The following CDRT4 variants were observed in gnomAD, a reference collection of about 807,000 sequenced individuals.
CDRT4 encodes CMT1A duplicated region transcript 4 protein.
For synonymous variants in CDRT4, 64 were observed against 69.6 expected (o/e 0.92, Z 0.40); for missense variants, 167 against 193.1 (o/e 0.87, Z 0.80).
chr17:15,441,293 G>A (rs1041393153), intron 2 of CDRT4, among the ~76,000 whole-genome samples: 2 of 152,142 alleles, frequency 1.3e-5, no homozygotes, highest in African/African-American at 4.8e-5. Flanking sequence ...ATTTTACCAA[G>A]TACTAGAATC....
intron 2 of CDRT4, among the ~76,000 whole-genome samples, chr17:15,451,714 TGCTTA>T (rs1567611792): frequency 1.3e-5 from 2 of 152,308 alleles, no homozygotes; most frequent in East Asian, 3.9e-4. Flanking sequence ...GGGTTGTTCC[TGCTTA>T]GAAGTCAGGA....
intron 2 of CDRT4, among the ~76,000 whole-genome samples, chr17:15,452,253 T>C (rs1979295364): frequency 6.6e-6 from 1 of 152,238 alleles, no homozygotes; most frequent in Admixed American, 6.5e-5. Flanking sequence ...TCTCTGAGCC[T>C]TAAAGTTTTC....
rs552328121 is a variant in CDRT4 at position 15,464,443 on chromosome 17, C to T, written c.-130+3017G>A. Among the ~76,000 whole-genome samples, 7 of 152,246 alleles carry T rather than the reference C, an allele frequency of 4.6e-5. No homozygotes were observed. In the East Asian group the frequency reaches 1.2e-3, roughly 25 times the overall value. On this transcript the variant is annotated intron_variant, in intron 1 of 3. Coordinates refer to ENST00000619038, the MANE Select transcript of CDRT4 (RefSeq NM_001204477.2). The surrounding 1 kb of genome is among the most constrained non-coding windows in gnomAD (Gnocchi z 4.5). Reference sequence around the variant, plus strand: ...CAGCAGCGGCTGCCTTTTCCGAGCTCGCTTCTTCCCTTCCCACCCCTTGCT... The same window carrying T: ...CAGCAGCGGCTGCCTTTTCCGAGCTTGCTTCTTCCCTTCCCACCCCTTGCT...
chr17:15,467,089 T>G (rs1980076697), intron 1 of CDRT4, among the ~76,000 whole-genome samples: 1 of 152,022 alleles, frequency 6.6e-6, no homozygotes, highest in Non-Finnish European at 1.5e-5. Context: ...GGGGTATATT[T>G]TGTGTGTGTG....
intron 1 of CDRT4, 116 bp from the exon 2 acceptor site, chr17:15,453,201 C>T (rs773167319): frequency 7.9e-5 from 12 of 152,108 alleles, no homozygotes; most frequent in Non-Finnish European, 1.3e-4. Flanking sequence ...AAATTGTTGC[C>T]TATAATTAAA....
At chr17:15,461,219 T>C (rs886767806) in intron 1 of CDRT4, among the ~76,000 whole-genome samples, 1 of 152,226 alleles carries the variant, frequency 6.6e-6, no homozygotes, top group Non-Finnish European at 1.5e-5. Context: ...AAGGAACTGT[T>C]CTGTCTTTTC....
chr17:15,456,011 A>G (rs1979466315), intron 1 of CDRT4, among the ~76,000 whole-genome samples: 1 of 152,214 alleles, frequency 6.6e-6, no homozygotes, highest in South Asian at 2.1e-4. Flanking sequence ...AAAAGCCCCT[A>G]GCAGACCTAT....
At chr17:15,443,564 T>G (rs1567609439) in intron 2 of CDRT4, 1 of 258,504 alleles carries the variant, frequency 3.9e-6, no homozygotes, top group Non-Finnish European at 7.4e-6. Context: ...ATTATAGGTG[T>G]GAATCATAAC....
intron 2 of CDRT4, among the ~76,000 whole-genome samples, chr17:15,443,428 C>CA (rs1456161825): frequency 6.8e-6 from 1 of 147,882 alleles, no homozygotes; most frequent in Non-Finnish European, 1.5e-5. Flanking sequence ...TACAGGCACA[C>CA]ACCACCATAG....
chr17:15,451,504 T>C (rs949478228), intron 2 of CDRT4, among the ~76,000 whole-genome samples: 8 of 151,902 alleles, frequency 5.3e-5, no homozygotes, highest in African/African-American at 1.9e-4. Flanking sequence ...GCCAGTTCCT[T>C]ATGTTGGCCT....
intron 1 of CDRT4, among the ~76,000 whole-genome samples, chr17:15,453,965 T>C (rs983405688): frequency 6.6e-6 from 1 of 152,170 alleles, no homozygotes; most frequent in Non-Finnish European, 1.5e-5. Context: ...TAAGAGCCTA[T>C]TGGCTGGACT....
At chr17:15,444,740 G>C (rs148818875) in intron 2 of CDRT4, among the ~76,000 whole-genome samples, 1 of 151,362 alleles carries the variant, frequency 6.6e-6, no homozygotes. Context: ...GAGAGAGAGA[G>C]AGAGAGGTCC....
At chr17:15,446,428 G>A (rs531696054) in intron 2 of CDRT4, among the ~76,000 whole-genome samples, 7 of 152,170 alleles carry the variant, frequency 4.6e-5, no homozygotes, top group South Asian at 2.1e-4. Context: ...CTTGGGAATC[G>A]TAGAAATGTT....
intron 2 of CDRT4, among the ~76,000 whole-genome samples, chr17:15,447,223 CTCATACA>C (rs1979067701): frequency 6.6e-6 from 1 of 152,236 alleles, no homozygotes; most frequent in Admixed American, 6.5e-5. Flanking sequence ...GACTAAGCAT[CTCATACA>C]TCAGGCAGGC....
At chr17:15,458,515 C>A (rs73287783) in intron 1 of CDRT4, among the ~76,000 whole-genome samples, 62 of 152,144 alleles carry the variant, frequency 4.1e-4, no homozygotes, top group African/African-American at 1.4e-3. Flanking sequence ...TACTCAGTAG[C>A]GGGGCTGCTG....
rs1051824394 is a variant in CDRT4, at chr17:15,442,974, G to A, written c.-47-2689C>T. On this transcript the variant is annotated intron_variant, in intron 2 of 3. Transcript: ENST00000619038. ...GTCTACAGACAGAAACAGCATTGAC[G>A]GGAGGGGCAGGAGGCAGAGCGTTGA... Among the ~76,000 whole-genome samples, 16 of 152,272 alleles carry A rather than the reference G, an allele frequency of 1.1e-4. No homozygotes were observed. In the East Asian group the frequency reaches 1.7e-3, roughly 17 times the overall value.
chr17:15,455,652 T>C (rs1204582692), intron 1 of CDRT4, among the ~76,000 whole-genome samples: 5 of 152,234 alleles, frequency 3.3e-5, no homozygotes, highest in Admixed American at 2.6e-4. Flanking sequence ...CCAGCTGCCA[T>C]GTTACAAACT....
chr17:15,444,603 G>A (rs1308657329), intron 2 of CDRT4, among the ~76,000 whole-genome samples: 1 of 152,120 alleles, frequency 6.6e-6, no homozygotes, highest in African/African-American at 2.4e-5. Context: ...TGTAATCCCA[G>A]CACTTTAGGA....
intron 2 of CDRT4, among the ~76,000 whole-genome samples, chr17:15,448,550 C>T (rs1311689927): frequency 1.3e-5 from 2 of 152,168 alleles, no homozygotes; most frequent in African/African-American, 2.4e-5. Context: ...TCCCTTCTGC[C>T]GCAGACACCC....
Sources: gnomAD v4.1 joint callset for allele counts (sites outside exome capture counted in the v4.1 genomes callset) on GRCh38, gnomAD v4.1.1 for gene constraint, Gnocchi (gnomAD v3.1) non-coding constraint, MANE v1.5 for transcripts, NCBI Gene and HGNC (gene_info 2026-07-23, HGNC 2026-07-21) for gene names.